Variants in UNC5C observed in about 807,000 individuals in gnomAD.
UNC5C encodes the protein netrin receptor UNC5C.
In UNC5C, 47 loss-of-function variants were observed where a neutral mutation model predicts 99.8. That is an observed-to-expected ratio of 0.47 (90% CI 0.37 to 0.60). UNC5C has a LOEUF of 0.60. Among genes scored for constraint, UNC5C ranks in the 20% least tolerant of loss-of-function variants. The pLI, the probability that UNC5C is intolerant of heterozygous loss-of-function variation, is 0.00. For missense variants in UNC5C, 1,062 were observed against 1,165.9 expected, an observed-to-expected ratio of 0.91 and a Z score of 1.30; for synonymous variants, 487 against 452.2, an observed-to-expected ratio of 1.08 and a Z score of -0.98.
At chr4:95,236,951 CCT>C (rs1739142826) in intron 7 of UNC5C, among the ~76,000 whole-genome samples, 2 of 152,120 alleles carry the variant, frequency 1.3e-5, no homozygotes, top group African/African-American at 4.8e-5. Context: ...CAGAACCACC[CCT>C]GACCATCGAC....
At position 95,335,801 on chromosome 4, in the gene UNC5C, G is replaced by T. The variant is rs187048167; in HGVS notation, c.125-170C>A. Among the ~76,000 whole-genome samples the T allele has an allele frequency of 4.6e-5, 7 of 151,998 alleles. No individual in the cohort carries two copies. The East Asian group carries it at 1.2e-3, about 25-fold the overall frequency. On this transcript the variant is annotated intron_variant, in intron 1 of 15. Coordinates refer to ENST00000453304, the MANE Select transcript of UNC5C (RefSeq NM_003728.4). ...TATTGACTGGTCATTTAAGGATATG[G>T]ATTATTATTCCCATTTCTATACACA...
chr4:95,212,472 C>T (rs758273535), intron 10 of UNC5C, among the ~76,000 whole-genome samples: 13 of 152,200 alleles, frequency 8.5e-5, no homozygotes, highest in Non-Finnish European at 1.0e-4. Flanking sequence ...ACTCCTAACA[C>T]AGTAATATGT....
intron 1 of UNC5C, among the ~76,000 whole-genome samples, chr4:95,365,984 G>T (rs1744553244): frequency 6.6e-6 from 1 of 150,812 alleles, no homozygotes; most frequent in Admixed American, 6.6e-5. Flanking sequence ...AATATGCTAT[G>T]TTTTCTTCCA....
intron 1 of UNC5C, among the ~76,000 whole-genome samples, chr4:95,444,287 C>G (rs1747030552): frequency 6.6e-6 from 1 of 151,570 alleles, no homozygotes; most frequent in Non-Finnish European, 1.5e-5. Flanking sequence ...AGTGGGGATA[C>G]TTGCTTGTCT....
intron 7 of UNC5C, among the ~76,000 whole-genome samples, chr4:95,240,892 G>A (rs1005438986): frequency 4.6e-5 from 7 of 152,176 alleles, no homozygotes; most frequent in Non-Finnish European, 1.0e-4. Context: ...CTGTCTCGTG[G>A]CATTGTATTC....
chr4:95,481,471 G>A (rs1721151813), intron 1 of UNC5C, among the ~76,000 whole-genome samples: 2 of 151,916 alleles, frequency 1.3e-5, no homozygotes, highest in Middle Eastern at 3.4e-3. Context: ...TCCCCATCAA[G>A]CTACCAATGA....
chr4:95,313,005 G>T (rs976317825), intron 2 of UNC5C, among the ~76,000 whole-genome samples: 2 of 152,078 alleles, frequency 1.3e-5, no homozygotes, highest in African/African-American at 2.4e-5. Flanking sequence ...CATGACAAAA[G>T]GTATAGTGAA....
At chr4:95,192,818 C>T (rs1260444231) in intron 12 of UNC5C, among the ~76,000 whole-genome samples, 5 of 152,156 alleles carry the variant, frequency 3.3e-5, no homozygotes, top group African/African-American at 1.2e-4. Flanking sequence ...CACCTTCTTC[C>T]TCAAGGCATG....
At chr4:95,384,870 C>T (rs995446398) in intron 1 of UNC5C, among the ~76,000 whole-genome samples, 1 of 152,002 alleles carries the variant, frequency 6.6e-6, no homozygotes, top group Non-Finnish European at 1.5e-5. Flanking sequence ...GAGATTAGAC[C>T]TCTGATTGTA....
chr4:95,418,998 G>A (rs892715148), intron 1 of UNC5C, among the ~76,000 whole-genome samples: 3 of 152,138 alleles, frequency 2.0e-5, no homozygotes, highest in African/African-American at 7.2e-5. Flanking sequence ...CACCTCATTA[G>A]ATGAGACACG....
chr4:95,539,682 A>G (rs1722866856), intron 1 of UNC5C, among the ~76,000 whole-genome samples: 1 of 152,176 alleles, frequency 6.6e-6, no homozygotes. Context: ...GTGTAAGCAC[A>G]TATATGCTCA....
intron 1 of UNC5C, among the ~76,000 whole-genome samples, chr4:95,413,700 C>T (rs952290529): frequency 6.6e-6 from 1 of 152,194 alleles, no homozygotes; most frequent in South Asian, 2.1e-4. Context: ...TCATTAAAAA[C>T]ATGTTTCTCT....
intron 2 of UNC5C, among the ~76,000 whole-genome samples, chr4:95,314,910 G>A (rs1742416512): frequency 1.3e-5 from 2 of 152,148 alleles, no homozygotes; most frequent in South Asian, 2.1e-4. Flanking sequence ...ACATGAAATT[G>A]TGAAAATAAT....
intron 4 of UNC5C, among the ~76,000 whole-genome samples, chr4:95,263,998 A>G (rs976924943): frequency 1.3e-5 from 2 of 152,264 alleles, no homozygotes; most frequent in African/African-American, 4.8e-5. Flanking sequence ...ATTTTCCATT[A>G]AATTCTGTCC....
intron 2 of UNC5C, among the ~76,000 whole-genome samples, chr4:95,330,661 A>T (rs1560789414): frequency 6.6e-6 from 1 of 152,062 alleles, no homozygotes; most frequent in Non-Finnish European, 1.5e-5. Context: ...GGAGTAAAAA[A>T]TCACATAATT....
intron 1 of UNC5C, among the ~76,000 whole-genome samples, chr4:95,336,319 C>T (rs1477076617): frequency 6.6e-6 from 1 of 151,802 alleles, no homozygotes; most frequent in Non-Finnish European, 1.5e-5. Flanking sequence ...AAGGTAAAAA[C>T]AGTCTTTCCA....
At chr4:95,226,501 A>AT (rs1186363464) in intron 7 of UNC5C, among the ~76,000 whole-genome samples, 1 of 152,116 alleles carries the variant, frequency 6.6e-6, no homozygotes, top group Non-Finnish European at 1.5e-5. Flanking sequence ...TCCTTAAGGG[A>AT]TTTTATCTGT....
chr4:95,248,672 C>A (rs1163452478), intron 5 of UNC5C: 2 of 428,466 alleles, frequency 4.7e-6, no homozygotes, highest in Non-Finnish European at 9.3e-6. Flanking sequence ...GTGACAAATT[C>A]TTAACTCCTT....
chr4:95,384,349 T>G (rs1194298702), intron 1 of UNC5C, among the ~76,000 whole-genome samples: 1 of 152,104 alleles, frequency 6.6e-6, no homozygotes, highest in Non-Finnish European at 1.5e-5. Context: ...AGTAATAGTA[T>G]AAGTGTGAAG....
Sources: allele counts gnomAD v4.1 joint callset (sites outside exome capture counted in the v4.1 genomes callset), GRCh38; gene constraint gnomAD v4.1.1; transcripts MANE v1.5; gene names NCBI Gene and HGNC (gene_info 2026-07-23, HGNC 2026-07-21).